The following MAGI2 variants were observed in gnomAD, a reference collection of about 807,000 sequenced individuals.
MAGI2 encodes membrane associated guanylate kinase, WW and PDZ domain containing 2, also known as membrane-associated guanylate kinase, WW and PDZ domain-containing protein 2.
A neutral mutation model predicts 133.3 loss-of-function variants in MAGI2; 35 were observed. That is an observed-to-expected ratio of 0.26 (90% CI 0.20 to 0.35). The LOEUF (loss-of-function observed/expected upper bound fraction) is 0.35. MAGI2 is among the 10% of genes least tolerant of loss of function. The pLI, the probability that MAGI2 is intolerant of heterozygous loss-of-function variation, is 1.00. For missense variants in MAGI2, 1,636 were observed against 1,863.4 expected (o/e 0.88, Z 2.25); for synonymous variants, 729 against 710.6 (o/e 1.03, Z -0.41).
intron 1 of MAGI2, chr7:79,415,610 T>C (rs1420821554): frequency 1.3e-5 from 2 of 152,112 alleles, no homozygotes; most frequent in Non-Finnish European, 2.9e-5. Context: ...AAGTTTCCAA[T>C]GGTGAAAAAT....
chr7:78,325,323 G>A (rs1788473706), intron 9 of MAGI2, among the ~76,000 whole-genome samples: 1 of 152,192 alleles, frequency 6.6e-6, no homozygotes. Context: ...ATGGGAGACA[G>A]TTTATAGATG....
At chr7:79,171,762 AT>A (rs1275567416) in intron 1 of MAGI2, among the ~76,000 whole-genome samples, 2 of 28,772 alleles carry the variant, frequency 7.0e-5, no homozygotes, top group African/African-American at 1.7e-4. Flanking sequence ...ATATATATAT[AT>A]ATATATATTT....
intron 6 of MAGI2, among the ~76,000 whole-genome samples, chr7:78,483,987 T>C (rs1792703715): frequency 6.6e-6 from 1 of 151,918 alleles, no homozygotes; most frequent in Admixed American, 6.6e-5. Context: ...GAAAGATAAA[T>C]ACTGAAAGGT....
intron 6 of MAGI2, among the ~76,000 whole-genome samples, chr7:78,430,796 G>A (rs1190377056): frequency 6.6e-6 from 1 of 152,070 alleles, no homozygotes; most frequent in East Asian, 1.9e-4. Context: ...CGAGTTTGCT[G>A]TGAAAATACA....
intron 1 of MAGI2, among the ~76,000 whole-genome samples, chr7:79,226,874 A>G (rs1202425101): frequency 6.6e-6 from 1 of 152,196 alleles, no homozygotes; most frequent in Non-Finnish European, 1.5e-5. Flanking sequence ...CTCATTAAAA[A>G]TACAAAATGA....
intron 1 of MAGI2, among the ~76,000 whole-genome samples, chr7:79,282,597 A>G (rs1050380515): frequency 1.3e-5 from 2 of 152,184 alleles, no homozygotes; most frequent in African/African-American, 2.4e-5. Context: ...AGAGAAAAGA[A>G]CAAAAGAAGA....
intron 3 of MAGI2, among the ~76,000 whole-genome samples, chr7:78,594,750 C>T (rs943656970): frequency 6.6e-6 from 1 of 152,150 alleles, no homozygotes; most frequent in African/African-American, 2.4e-5. Flanking sequence ...GCCACTACGT[C>T]CGGCCAGCAA....
chr7:79,408,220 A>G (rs1312987993), intron 1 of MAGI2, among the ~76,000 whole-genome samples: 1 of 152,104 alleles, frequency 6.6e-6, no homozygotes. Flanking sequence ...TATTTTTTTC[A>G]TAATATGTTT....
intron 1 of MAGI2, among the ~76,000 whole-genome samples, chr7:79,320,351 A>T (rs907171415): frequency 1.3e-5 from 2 of 152,184 alleles, no homozygotes; most frequent in South Asian, 4.1e-4. Context: ...TTAAAAATCC[A>T]TGTAGAATTA....
intron 21 of MAGI2, among the ~76,000 whole-genome samples, chr7:78,065,826 C>T (rs1464963601): frequency 6.6e-6 from 1 of 152,160 alleles, no homozygotes; most frequent in Non-Finnish European, 1.5e-5. Flanking sequence ...AAAGCTAACC[C>T]TATCAAGCAT....
chr7:79,183,522 C>A (rs1826800757), intron 1 of MAGI2, among the ~76,000 whole-genome samples: 1 of 151,710 alleles, frequency 6.6e-6, no homozygotes, highest in Non-Finnish European at 1.5e-5. Flanking sequence ...AGGTATCAAT[C>A]CTTTATTAGA....
intron 2 of MAGI2, among the ~76,000 whole-genome samples, chr7:78,781,380 C>CAAAA (rs748533885): frequency 5.0e-4 from 50 of 100,924 alleles, no homozygotes; most frequent in African/African-American, 1.3e-3. Flanking sequence ...CTCCGTCTCA[C>CAAAA]AAAAAAAAAA....
chr7:79,282,346 T>A (rs1835712737), intron 1 of MAGI2, among the ~76,000 whole-genome samples: 1 of 152,166 alleles, frequency 6.6e-6, no homozygotes, highest in African/African-American at 2.4e-5. Context: ...AAACGGTTTT[T>A]ACTTGCGGGC....
intron 2 of MAGI2, among the ~76,000 whole-genome samples, chr7:78,708,304 C>T (rs1818848741): frequency 6.6e-6 from 1 of 152,094 alleles, no homozygotes; most frequent in South Asian, 2.1e-4. Flanking sequence ...AAATTATGAC[C>T]TATATCCACT....
chr7:79,346,671 G>T (rs924243898), intron 1 of MAGI2, among the ~76,000 whole-genome samples: 1 of 151,962 alleles, frequency 6.6e-6, no homozygotes, highest in Non-Finnish European at 1.5e-5. Context: ...CTTATGGTTT[G>T]CTGAACCCTC....
chr7:79,383,050 C>T (rs1843913216), intron 1 of MAGI2, among the ~76,000 whole-genome samples: 3 of 151,572 alleles, frequency 2.0e-5, no homozygotes, highest in Admixed American at 1.3e-4. Flanking sequence ...AAAGAAGATA[C>T]CGAAAACATT....
At chr7:78,998,734 C>T (rs916797954) in intron 2 of MAGI2, among the ~76,000 whole-genome samples, 1 of 152,172 alleles carries the variant, frequency 6.6e-6, no homozygotes, top group Non-Finnish European at 1.5e-5. Flanking sequence ...AAACTACCGT[C>T]TTTAAGTCCC....
intron 2 of MAGI2, among the ~76,000 whole-genome samples, chr7:78,739,444 G>A (rs1354499639): frequency 1.3e-5 from 2 of 152,136 alleles, no homozygotes; most frequent in African/African-American, 4.8e-5. Context: ...ATAGAACGAG[G>A]TGCCACTACT....
At chr7:78,655,521 T>C (rs1812135958) in intron 2 of MAGI2, among the ~76,000 whole-genome samples, 1 of 124,878 alleles carries the variant, frequency 8.0e-6, no homozygotes, top group African/African-American at 3.1e-5. Context: ...GCATAGAGAA[T>C]ACGTCTGAAA....
Sources: gnomAD v4.1 joint callset for allele counts (sites outside exome capture counted in the v4.1 genomes callset) on GRCh38, gnomAD v4.1.1 for gene constraint, MANE v1.5 for transcripts, NCBI Gene and HGNC (gene_info 2026-07-23, HGNC 2026-07-21) for gene names.